RBKS: variants seen among roughly 807,000 people sequenced by gnomAD.
The protein encoded by RBKS is ribokinase.
A neutral mutation model predicts 33.9 loss-of-function variants in RBKS; 33 were observed. The observed-to-expected ratio is 0.97, with a 90% confidence interval of 0.74 to 1.30. RBKS has a LOEUF of 1.30. Ranked by LOEUF, RBKS falls within the 50% of genes most tolerant of loss-of-function variation. The pLI, the probability that RBKS is intolerant of heterozygous loss-of-function variation, is 0.00. For missense variants in RBKS, 361 were observed against 392.6 expected (o/e 0.92, Z 0.68); for synonymous variants, 125 against 143.0 (o/e 0.87, Z 0.90).
intron 7 of RBKS, among the ~76,000 whole-genome samples, chr2:27,786,555 G>A (rs1677405027): frequency 6.6e-6 from 1 of 152,186 alleles, no homozygotes; most frequent in Non-Finnish European, 1.5e-5. Context: ...GGCCGAGGCA[G>A]GTACATCATG....
intron 5 of RBKS, among the ~76,000 whole-genome samples, chr2:27,838,271 A>G (rs1194405111): frequency 6.6e-6 from 1 of 152,202 alleles, no homozygotes; most frequent in Non-Finnish European, 1.5e-5. Context: ...GATGGAATTT[A>G]AAAGTAGAAA....
chr2:27,795,176 T>G lies in RBKS; in HGVS notation c.796-13388A>C, dbSNP rs577382848. Reference sequence around the variant, plus strand: ...GTTTTACAATCCCTTAAAAGTCCTGTGTGTTCAATTAATGCTTGCTGATGG... The same window carrying G: ...GTTTTACAATCCCTTAAAAGTCCTGGGTGTTCAATTAATGCTTGCTGATGG... On this transcript the variant is annotated intron_variant, in intron 7 of 7. Transcript: ENST00000302188. This position sits in a 1 kb window ranked among gnomAD's most constrained non-coding sequence, Gnocchi z 4.1. Among the ~76,000 whole-genome samples, 55 of 152,300 alleles carry G rather than the reference T, an allele frequency of 3.6e-4. No individual in the cohort carries two copies. The highest frequency in any genetic ancestry group is 5.9e-4 in the Non-Finnish European group (40 of 68,024).
intron 4 of RBKS, among the ~76,000 whole-genome samples, chr2:27,846,650 A>G (rs1663625519): frequency 6.6e-6 from 1 of 152,204 alleles, no homozygotes; most frequent in Non-Finnish European, 1.5e-5. Context: ...ATGACTCATC[A>G]AACTTTTCTT....
chr2:27,839,999 T>C (rs888441119), intron 5 of RBKS, among the ~76,000 whole-genome samples: 3 of 151,854 alleles, frequency 2.0e-5, no homozygotes, highest in African/African-American at 7.3e-5. Context: ...AATGGTCTCC[T>C]TTCATTATAC....
At chr2:27,860,565 T>C (rs1380149650) in intron 1 of RBKS, among the ~76,000 whole-genome samples, 2 of 152,206 alleles carry the variant, frequency 1.3e-5, no homozygotes, top group Admixed American at 6.5e-5. Flanking sequence ...TGAGAATTCA[T>C]TTAAAAATCA....
chr2:27,845,462 A>G (rs916278776), intron 4 of RBKS, among the ~76,000 whole-genome samples: 2 of 152,212 alleles, frequency 1.3e-5, no homozygotes, highest in African/African-American at 4.8e-5. Flanking sequence ...CTATGACATT[A>G]TATCTTTGCA....
intron 7 of RBKS, among the ~76,000 whole-genome samples, chr2:27,788,357 A>G (rs1677444599): frequency 6.6e-6 from 1 of 152,238 alleles, no homozygotes; most frequent in Non-Finnish European, 1.5e-5. Flanking sequence ...GTCCAGCCAA[A>G]AAGCTACTAG....
chr2:27,847,187 T>C lies in RBKS; in HGVS notation c.287-83A>G, dbSNP rs968532812. On this transcript the variant is annotated intron_variant, in intron 3 of 7. Transcript: ENST00000302188. The stretch of plus-strand genomic sequence containing the variant: ...TTTAACAATTTCAATACAACACTAA[T>C]CCTTGGAAAACCTTTTTAACCTTTA... The C allele has an allele frequency of 6.2e-6, 5 of 806,274 alleles. No homozygotes were observed. The African/African-American group carries it at 6.8e-5, about 11-fold the overall frequency. The allele number at this position is 806,274 out of a possible 1,614,324, so 49.9% of individuals were successfully genotyped here.
chr2:27,817,055 A>T (rs916940368), intron 7 of RBKS, among the ~76,000 whole-genome samples: 1 of 152,200 alleles, frequency 6.6e-6, no homozygotes, highest in Non-Finnish European at 1.5e-5. Flanking sequence ...CCCTGAGAAA[A>T]CTAAGGCTTA....
intron 7 of RBKS, among the ~76,000 whole-genome samples, chr2:27,794,642 G>A (rs898016780): frequency 7.1e-6 from 1 of 141,648 alleles, no homozygotes; most frequent in Admixed American, 7.1e-5. Flanking sequence ...TTTTTTTTGA[G>A]CTGGAGTTTT....
intron 6 of RBKS, among the ~76,000 whole-genome samples, 176 bp from the exon 7 acceptor site, chr2:27,827,931 C>T (rs559991014): frequency 2.7e-4 from 41 of 152,222 alleles, no homozygotes; most frequent in African/African-American, 8.4e-4. Context: ...ATGACAAAAA[C>T]CATCAATGAA....
chr2:27,857,288 A>G (rs1663876103), intron 2 of RBKS, among the ~76,000 whole-genome samples: 2 of 152,238 alleles, frequency 1.3e-5, no homozygotes, highest in South Asian at 4.1e-4. Context: ...GGCTTTCCCT[A>G]AAAATCAAAG....
chr2:27,868,682 G>T (rs1362160894), intron 1 of RBKS, among the ~76,000 whole-genome samples: 1 of 152,176 alleles, frequency 6.6e-6, no homozygotes, highest in East Asian at 1.9e-4. Flanking sequence ...ACACAGGAAA[G>T]AATGGTGGCT....
intron 7 of RBKS, among the ~76,000 whole-genome samples, chr2:27,818,015 C>A (rs1255393020): frequency 6.6e-6 from 1 of 152,124 alleles, no homozygotes; most frequent in Admixed American, 6.5e-5. Context: ...CTGCTCCTTA[C>A]CATGGTAGGA....
chr2:27,823,194 G>A (rs1364912185), intron 7 of RBKS, among the ~76,000 whole-genome samples: 1 of 152,186 alleles, frequency 6.6e-6, no homozygotes. Flanking sequence ...TGGGAGAAGA[G>A]ACACATCTGT....
chr2:27,853,382 G>A (rs1188712408), intron 2 of RBKS, among the ~76,000 whole-genome samples: 1 of 146,362 alleles, frequency 6.8e-6, no homozygotes, highest in Non-Finnish European at 1.5e-5. Flanking sequence ...AAAGGCCTTT[G>A]GGCTGGTGGT....
rs546479137 is a variant in RBKS at position 27,796,665 on chromosome 2, C to T, written c.796-14877G>A. Reference sequence around the variant, plus strand: ...CTTCTAATGGGGGTGGGAGGGGTGCCGGTGGGGAGGGTTGAGGATTTAGCA... The same window carrying T: ...CTTCTAATGGGGGTGGGAGGGGTGCTGGTGGGGAGGGTTGAGGATTTAGCA... On this transcript the variant is annotated intron_variant, in intron 7 of 7. Transcript: ENST00000302188. Among the ~76,000 whole-genome samples the T allele has an allele frequency of 4.6e-5, 7 of 151,620 alleles. No individual in the cohort carries two copies. The East Asian group carries it at 7.8e-4, about 17-fold the overall frequency.
In RBKS at chr2:27,890,319, C is replaced by T. The variant is rs777295403; in HGVS notation, c.27G>A (p.Arg9=). The T allele has an allele frequency of 1.5e-5, 25 of 1,613,744 alleles. No homozygotes were observed. Among genetic ancestry groups the T allele is most frequent in the African/African-American group, 2.7e-5 (2 of 74,948 alleles). The change falls in exon 1 of 8, where the codon AGG becomes AGA. Residue 9 remains arginine (R), a synonymous_variant. Transcript: ENST00000302188. This position sits in a 1 kb window ranked among gnomAD's most constrained non-coding sequence, Gnocchi z 4.8. ...CCGCCGCCACCTCCTCTTGCCACTG[C>T]CTCTGGGGTTCCCCAGACGCCGCCA... MAASGEPQ[R]QWQEEVAAVV... is the part of the protein sequence containing the mutation.
chr2:27,847,325 G>C (rs1374550021), intron 3 of RBKS, among the ~76,000 whole-genome samples: 1 of 152,096 alleles, frequency 6.6e-6, no homozygotes, highest in Non-Finnish European at 1.5e-5. Context: ...CTCTGCATTA[G>C]TAACAACCCA....
Sources: gnomAD v4.1 joint callset for allele counts (sites outside exome capture counted in the v4.1 genomes callset) on GRCh38, gnomAD v4.1.1 for gene constraint, Gnocchi (gnomAD v3.1) non-coding constraint, MANE v1.5 for transcripts, NCBI Gene and HGNC (gene_info 2026-07-23, HGNC 2026-07-21) for gene names.